The following CFAP221 variants were observed in gnomAD, a reference collection of about 807,000 sequenced individuals.
CFAP221 encodes the protein cilia- and flagella-associated protein 221.
A neutral mutation model predicts 113.1 loss-of-function variants in CFAP221; 97 were observed. The observed-to-expected ratio is 0.86, with a 90% CI of 0.73 to 1.02. The LOEUF is 1.02. Among genes scored for constraint, CFAP221 ranks in the 50% least tolerant of loss-of-function variants. The probability of loss-of-function intolerance (pLI) is 0.00; values close to 1 mark genes in which losing one functional copy is unlikely to be tolerated. For missense variants in CFAP221, 1,025 were observed against 1,013.4 expected (o/e 1.01, Z -0.16); for synonymous variants, 331 against 354.4 (o/e 0.93, Z 0.74).
At chr2:119,594,727 G>A (rs1265413730) in intron 7 of CFAP221, among the ~76,000 whole-genome samples, 1 of 152,178 alleles carries the variant, frequency 6.6e-6, no homozygotes, top group Admixed American at 6.5e-5. Context: ...AATTTGAATA[G>A]CTAATGCTTA....
At chr2:119,556,815 G>A (rs1680841322) in intron 3 of CFAP221, among the ~76,000 whole-genome samples, 2 of 151,872 alleles carry the variant, frequency 1.3e-5, no homozygotes, top group Non-Finnish European at 1.5e-5. Context: ...ACCTCCCAAA[G>A]TGCTGGGATT....
At chr2:119,554,587 A>G (rs1680651894) in intron 3 of CFAP221, among the ~76,000 whole-genome samples, 2 of 152,202 alleles carry the variant, frequency 1.3e-5, no homozygotes, top group Non-Finnish European at 2.9e-5. Flanking sequence ...AGTTTACATT[A>G]GAGACCTATT....
chr2:119,560,203 A>G (rs1681143136), intron 5 of CFAP221, among the ~76,000 whole-genome samples, 177 bp downstream of exon 5: 1 of 152,018 alleles, frequency 6.6e-6, no homozygotes, highest in Admixed American at 6.6e-5. Context: ...GCCCAGTGAC[A>G]TGGCCCAAGA....
At chr2:119,580,010 T>C (rs1409716739) in intron 6 of CFAP221, among the ~76,000 whole-genome samples, 1 of 152,104 alleles carries the variant, frequency 6.6e-6, no homozygotes, top group Non-Finnish European at 1.5e-5. Context: ...ACATCGCGCA[T>C]TACCCAAGGC....
chr2:119,634,228 ACTTTGGGAGG>A (rs1439534377), intron 19 of CFAP221, among the ~76,000 whole-genome samples: 2 of 151,964 alleles, frequency 1.3e-5, no homozygotes, highest in Non-Finnish European at 2.9e-5. Context: ...TACTCTTAAC[ACTTTGGGAGG>A]CTAAGGCAGG....
rs777866800 is a variant in CFAP221 at position 119,615,681 on chromosome 2, A to T, written c.1382A>T (p.Gln461Leu). The T allele has an allele frequency of 1.4e-5, 22 of 1,612,622 alleles. No homozygotes were observed. Among genetic ancestry groups the T allele is most frequent in the Non-Finnish European group, 1.9e-5 (22 of 1,179,364 alleles). ...NNTWLSRSRA[Q>L]KRFQQVARKV... ...ACTTGGCTCAGCAGGTCCAGGGCACAAAAACGGTTTCAACAAGTAGCACGC... is the reference window on the plus strand; with the variant it reads ...ACTTGGCTCAGCAGGTCCAGGGCACTAAAACGGTTTCAACAAGTAGCACGC... The change falls in exon 14 of 24, where the codon CAA (glutamine) becomes CTA (leucine). Residue 461 changes from glutamine (Q) to leucine (L), a missense_variant. Coordinates refer to ENST00000413369, the MANE Select transcript of CFAP221 (RefSeq NM_001271049.2).
intron 21 of CFAP221, 27 bp downstream of exon 21, chr2:119,639,899 C>T (rs758092299): frequency 1.1e-5 from 18 of 1,581,990 alleles, no homozygotes; most frequent in Middle Eastern, 1.7e-4. Context: ...TGTTTGCTCA[C>T]GAGTATGTGT....
At chr2:119,649,095 A>T (rs1239189261) in intron 22 of CFAP221, among the ~76,000 whole-genome samples, 1 of 152,238 alleles carries the variant, frequency 6.6e-6, no homozygotes, top group Non-Finnish European at 1.5e-5. Flanking sequence ...GATGCAGCTC[A>T]TGAATGAATT....
intron 21 of CFAP221, among the ~76,000 whole-genome samples, chr2:119,643,719 A>G (rs1483617764): frequency 6.6e-6 from 1 of 151,972 alleles, no homozygotes; most frequent in African/African-American, 2.4e-5. Context: ...AACTTTTTGT[A>G]TTTTTAGTAG....
chr2:119,591,841 G>A (rs1008658613), intron 7 of CFAP221, among the ~76,000 whole-genome samples: 8 of 152,110 alleles, frequency 5.3e-5, no homozygotes, highest in South Asian at 2.1e-4. Flanking sequence ...GCACTTCTGC[G>A]GGTCCCACAA....
intron 22 of CFAP221, among the ~76,000 whole-genome samples, chr2:119,651,598 A>G (rs895017468): frequency 1.3e-5 from 2 of 151,802 alleles, no homozygotes; most frequent in African/African-American, 4.8e-5. Flanking sequence ...TTCTAATTCC[A>G]TTGTGGAGAG....
intron 6 of CFAP221, among the ~76,000 whole-genome samples, chr2:119,568,564 CCCA>C (rs1378817517): frequency 1.3e-5 from 2 of 152,090 alleles, no homozygotes; most frequent in African/African-American, 4.8e-5. Flanking sequence ...TTGTTCAGTT[CCCA>C]CTTATATGTG....
intron 6 of CFAP221, among the ~76,000 whole-genome samples, chr2:119,564,151 C>T (rs932472762): frequency 1.3e-5 from 2 of 152,152 alleles, no homozygotes; most frequent in African/African-American, 4.8e-5. Context: ...AAAGAGCAGC[C>T]ACAGAACCCT....
In CFAP221 at chr2:119,594,928, A is replaced by G. The variant is rs1295542231; in HGVS notation, c.632-6290A>G. Among the ~76,000 whole-genome samples the G allele has an allele frequency of 4.6e-5, 7 of 152,322 alleles. No individual in the cohort carries two copies. In the East Asian group the frequency reaches 1.4e-3, roughly 29 times the overall value. On this transcript the variant is annotated intron_variant, in intron 7 of 23. Coordinates refer to ENST00000413369, the MANE Select transcript of CFAP221 (RefSeq NM_001271049.2). ...CAGAGCTGGGGTTGCAATGCAGAGA[A>G]CCCAGCCCCACAGTCTGTGTATTCA...
Position 119,625,573 on chromosome 2 carries a change from C to A in CFAP221, c.1411-10C>A, listed in dbSNP as rs762351856. On this transcript the variant is annotated splice_polypyrimidine_tract_variant and intron_variant, in intron 14 of 23. Transcript: ENST00000413369. ...TAATAATTTGAAATCATTATCCACT[C>A]CAATTTCAGGTCATGATTCAGGGAC... The A allele has an allele frequency of 6.3e-7, 1 of 1,599,414 alleles. No individual in the cohort carries two copies. The highest frequency in any genetic ancestry group is 1.1e-5 in the South Asian group (1 of 90,534).
chr2:119,610,968 G>A (rs1299523937), intron 12 of CFAP221, among the ~76,000 whole-genome samples: 2 of 152,058 alleles, frequency 1.3e-5, no homozygotes, highest in East Asian at 3.9e-4. Flanking sequence ...CTGGGAATAA[G>A]AAAAAGGGCC....
chr2:119,652,100 G>A, intron 23 of CFAP221, 31 bp downstream of exon 23: 17 of 1,541,374 alleles, frequency 1.1e-5, no homozygotes, highest in Non-Finnish European at 1.5e-5. Context: ...CTTATTAAAA[G>A]GTAATCTTGG....
intron 6 of CFAP221, among the ~76,000 whole-genome samples, chr2:119,565,939 C>A (rs930778078): frequency 2.6e-5 from 4 of 152,164 alleles, no homozygotes; most frequent in Non-Finnish European, 5.9e-5. Context: ...TTCATTCAGT[C>A]GGTTAACAAA....
rs531904066 is a variant in CFAP221 at position 119,597,703 on chromosome 2, G to A, written c.632-3515G>A. 1.2e-3 allele frequency among the ~76,000 whole-genome samples: 181 copies of A among 152,258 alleles called. 1 individual carries two copies. Among genetic ancestry groups the A allele is most frequent in the African/African-American group, 4.2e-3 (174 of 41,548 alleles). On this transcript the variant is annotated intron_variant, in intron 7 of 23. Transcript: ENST00000413369. ...CACAGGGTGGGAGCCGGTGAGCATA[G>A]GGCCTCAAGAGCTCTGTTATAGAAT... is the stretch of plus-strand genomic sequence containing the variant.
Sources: allele counts gnomAD v4.1 joint callset (sites outside exome capture counted in the v4.1 genomes callset), GRCh38; gene constraint gnomAD v4.1.1; transcripts MANE v1.5; gene names NCBI Gene and HGNC (gene_info 2026-07-23, HGNC 2026-07-21).